Variants in PRKN observed in about 807,000 individuals in gnomAD.
The protein encoded by PRKN is E3 ubiquitin-protein ligase parkin.
Under a neutral mutation model 59.5 loss-of-function variants are expected in PRKN, and 56 were observed. That is an observed-to-expected ratio of 0.94 (90% CI 0.76 to 1.18). The LOEUF is 1.18. PRKN is among the 50% of genes most tolerant of loss of function. The pLI is 0.00. For synonymous variants in PRKN, 250 were observed against 222.1 expected (o/e 1.13, Z -1.12); for missense variants, 657 against 596.4 (o/e 1.10, Z -1.06).
chr6:162,294,358 CAG>C (rs141432501), intron 2 of PRKN, among the ~76,000 whole-genome samples: 7 of 150,706 alleles, frequency 4.6e-5, no homozygotes, highest in African/African-American at 9.7e-5. Flanking sequence ...AGGAGAGAGA[CAG>C]AGAGAGAGAG....
At chr6:162,450,998 GTAAAAC>G (rs1790598760) in intron 1 of PRKN, among the ~76,000 whole-genome samples, 1 of 152,078 alleles carries the variant, frequency 6.6e-6, no homozygotes, top group Non-Finnish European at 1.5e-5. Flanking sequence ...ATCTTTTTCT[GTAAAAC>G]TAAAACTGTT....
rs149734805 is a variant in PRKN at position 161,402,176 on chromosome 6, G to A, written c.1084-15299C>T. ...GTTGGCCAAAGATAACTCATGCCTC[G>A]GGGGTCGTGAGCAGGAGGTGAAGCC... On this transcript the variant is annotated intron_variant, in intron 9 of 11. Coordinates refer to ENST00000366898, the MANE Select transcript of PRKN (RefSeq NM_004562.3). This position sits in a 1 kb window ranked among gnomAD's most constrained non-coding sequence, Gnocchi z 4.5. Among the ~76,000 whole-genome samples the A allele has an allele frequency of 3.3e-5, 5 of 152,200 alleles. No individual in the cohort carries two copies. Among genetic ancestry groups the A allele is most frequent in the East Asian group, 3.9e-4 (2 of 5,174 alleles).
At chr6:162,135,461 T>C (rs923457208) in intron 4 of PRKN, among the ~76,000 whole-genome samples, 2 of 152,188 alleles carry the variant, frequency 1.3e-5, no homozygotes, top group African/African-American at 4.8e-5. Flanking sequence ...GGTGCATACT[T>C]CATTCACCTA....
At chr6:162,406,117 G>T (rs1432601134) in intron 2 of PRKN, among the ~76,000 whole-genome samples, 1 of 152,158 alleles carries the variant, frequency 6.6e-6, no homozygotes, top group Admixed American at 6.6e-5. Flanking sequence ...CATTTAGCAA[G>T]GGCTTTTTAT....
chr6:162,014,599 G>A (rs796427049), intron 5 of PRKN, among the ~76,000 whole-genome samples: 3 of 152,262 alleles, frequency 2.0e-5, no homozygotes, highest in African/African-American at 7.2e-5. Flanking sequence ...GAGGAAACAG[G>A]AACGGAAGCG....
At chr6:162,595,693 G>A (rs1781474247) in intron 1 of PRKN, among the ~76,000 whole-genome samples, 1 of 152,142 alleles carries the variant, frequency 6.6e-6, no homozygotes, top group East Asian at 1.9e-4. Context: ...TAATCCAAAA[G>A]TAAATAAAAA....
intron 7 of PRKN, among the ~76,000 whole-genome samples, chr6:161,678,216 C>CT (rs3066554): frequency 0.056 from 3,626 of 64,876 alleles, 578 homozygotes; most frequent in African/African-American, 0.078. Context: ...TACTGAATCA[C>CT]TTTTTTTTTT....
chr6:161,650,373 T>C (rs1245779168), intron 7 of PRKN, among the ~76,000 whole-genome samples: 3 of 152,194 alleles, frequency 2.0e-5, no homozygotes, highest in African/African-American at 7.2e-5. Context: ...TGTTGATGTA[T>C]TTAGTGCCTA....
At chr6:162,223,156 A>G (rs889827813) in intron 3 of PRKN, among the ~76,000 whole-genome samples, 2 of 151,744 alleles carry the variant, frequency 1.3e-5, no homozygotes, top group South Asian at 2.1e-4. Context: ...ATGATTTCCA[A>G]TTTCATACAT....
Position 161,448,909 on chromosome 6 carries a change from C to T in PRKN, c.1084-62032G>A, listed in dbSNP as rs1404959275. Among the ~76,000 whole-genome samples the T allele has an allele frequency of 6.6e-6, 1 of 152,178 alleles. No individual in the cohort carries two copies. Among genetic ancestry groups the T allele is most frequent in the Non-Finnish European group, 1.5e-5 (1 of 68,040 alleles). ...GAGGATGACTTTGGGACTCTGGCAA[C>T]ACAGGAAGCCCAGTGTGTTCTCCCC... On this transcript the variant is annotated intron_variant, in intron 9 of 11. Coordinates refer to ENST00000366898, the MANE Select transcript of PRKN (RefSeq NM_004562.3). This position sits in a 1 kb window ranked among gnomAD's most constrained non-coding sequence, Gnocchi z 5.1.
chr6:161,586,647 G>A (rs976754304), intron 7 of PRKN, among the ~76,000 whole-genome samples: 4 of 152,066 alleles, frequency 2.6e-5, no homozygotes, highest in Admixed American at 1.3e-4. Context: ...GAATATCCTT[G>A]CATTCTTTCT....
chr6:162,705,173 C>G (rs1428520584), intron 1 of PRKN, among the ~76,000 whole-genome samples: 1 of 152,180 alleles, frequency 6.6e-6, no homozygotes, highest in Non-Finnish European at 1.5e-5. Flanking sequence ...CCTGATGTGT[C>G]AGACAGACAC....
intron 4 of PRKN, among the ~76,000 whole-genome samples, chr6:162,128,630 G>A (rs1178355791): frequency 1.3e-5 from 2 of 152,162 alleles, no homozygotes; most frequent in African/African-American, 2.4e-5. Context: ...CTTGGGCCCT[G>A]TTATTTTCTG....
At chr6:162,133,944 GA>G (rs1329186503) in intron 4 of PRKN, among the ~76,000 whole-genome samples, 2 of 152,096 alleles carry the variant, frequency 1.3e-5, no homozygotes, top group African/African-American at 4.8e-5. Flanking sequence ...AGTAGAAAAA[GA>G]AAGAGAGAAT....
At chr6:162,275,990 C>G (rs1258207876) in intron 2 of PRKN, among the ~76,000 whole-genome samples, 1 of 152,060 alleles carries the variant, frequency 6.6e-6, no homozygotes, top group African/African-American at 2.4e-5. Context: ...ACTTTTTGTT[C>G]TAGACCTGTA....
intron 1 of PRKN, among the ~76,000 whole-genome samples, chr6:162,607,626 A>G (rs1351739312): frequency 6.6e-6 from 1 of 152,150 alleles, no homozygotes; most frequent in African/African-American, 2.4e-5. Flanking sequence ...TGAATATAAA[A>G]GAAAAGGGAG....
At chr6:162,590,079 T>C (rs1458093649) in intron 1 of PRKN, among the ~76,000 whole-genome samples, 2 of 152,180 alleles carry the variant, frequency 1.3e-5, no homozygotes, top group African/African-American at 4.8e-5. Flanking sequence ...TGTGTGTGTG[T>C]GCATGTAAAC....
At position 162,318,840 on chromosome 6, in the gene PRKN, C is replaced by T. The variant is rs911717781; in HGVS notation, c.172-56075G>A. The stretch of plus-strand genomic sequence containing the variant: ...GAATTGAAAAAACACAAACAGGTGA[C>T]TTTTCAATGCCATTGATCAGCATGC... On this transcript the variant is annotated intron_variant, in intron 2 of 11. Transcript: ENST00000366898. Among the ~76,000 whole-genome samples the T allele has an allele frequency of 1.4e-4, 21 of 152,004 alleles. No individual in the cohort carries two copies. The South Asian group carries it at 1.7e-3, about 12-fold the overall frequency.
At chr6:161,493,638 T>C (rs1777639091) in intron 9 of PRKN, among the ~76,000 whole-genome samples, 1 of 152,206 alleles carries the variant, frequency 6.6e-6, no homozygotes, top group Non-Finnish European at 1.5e-5. Flanking sequence ...GAAGAGCAGA[T>C]GCAGAAAGGG....
Sources: allele counts gnomAD v4.1 joint callset (sites outside exome capture counted in the v4.1 genomes callset), GRCh38; gene constraint gnomAD v4.1.1; non-coding constraint Gnocchi (gnomAD v3.1); transcripts MANE v1.5; gene names NCBI Gene and HGNC (gene_info 2026-07-23, HGNC 2026-07-21).